MYO7B: variants seen among roughly 807,000 people sequenced by gnomAD.
The protein encoded by MYO7B is myosin VIIB, also known as unconventional myosin-VIIb.
In MYO7B, 212 loss-of-function variants were observed where a neutral mutation model predicts 259.7. The observed-to-expected ratio is 0.82, with a 90% CI of 0.73 to 0.91. The LOEUF is 0.91. Ranked by LOEUF, MYO7B falls within the 40% of genes least tolerant of loss-of-function variation. MYO7B has a pLI of 0.00. For missense variants in MYO7B, 2,732 were observed against 2,813.5 expected (o/e 0.97, Z 0.66); for synonymous variants, 1,197 against 1,166.4 (o/e 1.03, Z -0.54).
chr2:127,547,774 A>G (rs376716483), intron 1 of MYO7B, among the ~76,000 whole-genome samples: 1 of 152,188 alleles, frequency 6.6e-6, no homozygotes, highest in Admixed American at 6.5e-5. Context: ...GAGTGCCTCA[A>G]GTTTTTTCTT....
intron 19 of MYO7B, 125 bp downstream of exon 19, chr2:127,596,681 C>A: frequency 1.4e-6 from 1 of 723,164 alleles, no homozygotes; most frequent in South Asian, 1.6e-5. Context: ...CTGAGATCTT[C>A]CAATGCCTTC....
Position 127,577,224 on chromosome 2 carries a change from A to C in MYO7B, c.849+516A>C, listed in dbSNP as rs1224155936. Among the ~76,000 whole-genome samples the C allele has an allele frequency of 6.6e-6, 1 of 152,064 alleles. No individual in the cohort carries two copies. Among genetic ancestry groups the C allele is most frequent in the Non-Finnish European group, 1.5e-5 (1 of 67,978 alleles). On this transcript the variant is annotated intron_variant, in intron 8 of 47. Transcript: ENST00000409816. This position sits in a 1 kb window ranked among gnomAD's most constrained non-coding sequence, Gnocchi z 5.2. ...CTGCGCCTCCTGGTTTATTGACCAC[A>C]GAGTGGACCCAGAGCATTCTGCCTC...
intron 14 of MYO7B, among the ~76,000 whole-genome samples, chr2:127,587,568 C>CTTTTTTTT (rs61624532): frequency 9.8e-5 from 12 of 122,418 alleles, no homozygotes; most frequent in Non-Finnish European, 1.4e-4. Context: ...TTCTTTCTTT[C>CTTTTTTTT]TTTTTTTTTT....
In MYO7B at chr2:127,613,877, A is replaced by C. The variant is rs1680477834; in HGVS notation, c.3398+1274A>C. 6.6e-6 allele frequency among the ~76,000 whole-genome samples: 1 copy of C among 152,186 alleles called. No homozygotes were observed. The highest frequency in any genetic ancestry group is 1.5e-5 in the Non-Finnish European group (1 of 68,032). ...ACCATGTGTGTCAGGGGGCAACCAG[A>C]GATTTGGGAAGATTTTATGTGCAAA... is the stretch of plus-strand genomic sequence containing the variant. On this transcript the variant is annotated intron_variant, in intron 26 of 47. Transcript: ENST00000409816. This position sits in a 1 kb window ranked among gnomAD's most constrained non-coding sequence, Gnocchi z 4.3.
intron 7 of MYO7B, 135 bp downstream of exon 7, chr2:127,574,197 T>C: frequency 8.7e-7 from 1 of 1,150,114 alleles, no homozygotes; most frequent in Non-Finnish European, 1.2e-6. Context: ...CACTGGATAA[T>C]GAGGGCCCTT....
chr2:127,588,591 CT>C (rs1679396009), intron 15 of MYO7B, 36 bp downstream of exon 15: 2 of 1,610,702 alleles, frequency 1.2e-6, no homozygotes, highest in East Asian at 2.2e-5. Context: ...TCTGTCACCC[CT>C]GATGGCTACA....
Position 127,628,257 on chromosome 2 carries a change from G to T in MYO7B, c.4461-115G>T. On this transcript the variant is annotated intron_variant, in intron 33 of 47. Transcript: ENST00000409816. The surrounding 1 kb of genome is among the most constrained non-coding windows in gnomAD (Gnocchi z 4.8). ...GCCTAGTCCTGGCCCTGGCAGAGCA[G>T]CTCTGTGTCCTCATCTGTGACTCAG... 1 of 1,295,044 alleles carries T rather than the reference G, an allele frequency of 7.7e-7. No individual in the cohort carries two copies. Among genetic ancestry groups the T allele is most frequent in the Non-Finnish European group, 1.1e-6 (1 of 927,634 alleles). 80.2% of individuals were successfully genotyped at this position (1,295,044 alleles called of 1,614,324 possible). A position where few individuals can be genotyped will look rare whatever the true frequency, so the allele number is the denominator to read the frequency against.
intron 36 of MYO7B, 101 bp downstream of exon 36, chr2:127,631,009 C>A: frequency 7.2e-7 from 1 of 1,397,192 alleles, no homozygotes; most frequent in Non-Finnish European, 9.7e-7. Flanking sequence ...CTCATTGCAC[C>A]CACTGAGAGC....
In MYO7B at chr2:127,613,110, A is replaced by G. The variant is rs1680450684; in HGVS notation, c.3398+507A>G. 6.6e-6 allele frequency among the ~76,000 whole-genome samples: 1 copy of G among 152,222 alleles called. No homozygotes were observed. The highest frequency in any genetic ancestry group is 6.5e-5 in the Admixed American group (1 of 15,280). ...TTAGGGGTTCACTTACTTTAGGTTA[A>G]TACTTTTAACAAAATTTGGGAAACT... On this transcript the variant is annotated intron_variant, in intron 26 of 47. Coordinates refer to ENST00000409816, the MANE Select transcript of MYO7B (RefSeq NM_001393586.1). This position sits in a 1 kb window ranked among gnomAD's most constrained non-coding sequence, Gnocchi z 4.3.
rs111767455 is a variant in MYO7B, at chr2:127,618,984, C to T, written c.3399-1356C>T. On this transcript the variant is annotated intron_variant, in intron 26 of 47. Transcript: ENST00000409816. The stretch of plus-strand genomic sequence containing the variant: ...GGTAGCATGTGGGCACTGGTTGGAT[C>T]GTGGGGGCTGGTTGGATTGTGGTGG... Among the ~76,000 whole-genome samples, 965 of 143,276 alleles carry T rather than the reference C, an allele frequency of 6.7e-3. 13 individuals carry two copies. Among genetic ancestry groups the T allele is most frequent in the African/African-American group, 0.023 (874 of 38,550 alleles). The allele number at this position is 143,276 out of a possible 152,430, so 94.0% of individuals were successfully genotyped here. A position where few individuals can be genotyped will look rare whatever the true frequency, so the allele number is the denominator to read the frequency against.
At chr2:127,588,769 T>G (rs1573659273) in intron 15 of MYO7B, among the ~76,000 whole-genome samples, 6 of 46,948 alleles carry the variant, frequency 1.3e-4, no homozygotes, top group South Asian at 8.0e-4. Context: ...GATGGGTGAG[T>G]GGATGGATGG....
chr2:127,584,016 G>C lies in MYO7B; in HGVS notation c.1344-106G>C. ...GAGGTGTGCATCTGTGGGCATATCTGTATGCAGCTGTTTGCAGATGGCTGG... is the reference window on the plus strand; with the variant it reads ...GAGGTGTGCATCTGTGGGCATATCTCTATGCAGCTGTTTGCAGATGGCTGG... On this transcript the variant is annotated intron_variant, in intron 12 of 47. Transcript: ENST00000409816. The surrounding 1 kb of genome is among the most constrained non-coding windows in gnomAD (Gnocchi z 5.8). 2 of 980,292 alleles carry C rather than the reference G, an allele frequency of 2.0e-6. No homozygotes were observed. The allele number at this position is 980,292 out of a possible 1,614,324, so 60.7% of individuals were successfully genotyped here.
intron 1 of MYO7B, among the ~76,000 whole-genome samples, chr2:127,544,642 G>A (rs1027889683): frequency 5.4e-5 from 8 of 147,676 alleles, no homozygotes; most frequent in Admixed American, 4.8e-4. Context: ...GTGCAGTGGC[G>A]CTATCTCGGC....
At chr2:127,634,050 C>A (rs926154830) in intron 40 of MYO7B, 126 bp from the exon 41 acceptor site, 6 of 728,004 alleles carry the variant, frequency 8.2e-6, no homozygotes, top group Non-Finnish European at 1.4e-5. Context: ...GCTTGCCCTG[C>A]TCAGGGCAGA....
At chr2:127,633,542 C>T (rs1172232340) in intron 40 of MYO7B, among the ~76,000 whole-genome samples, 179 bp downstream of exon 40, 1 of 152,194 alleles carries the variant, frequency 6.6e-6, no homozygotes, top group Non-Finnish European at 1.5e-5. Flanking sequence ...CCCTTGGGTG[C>T]TTTGGAAGTC....
At position 127,637,457 on chromosome 2, in the gene MYO7B, C is replaced by A. The variant is rs1340554229; in HGVS notation, c.*40C>A. The A allele has an allele frequency of 3.5e-6, 5 of 1,424,482 alleles. No homozygotes were observed. Among genetic ancestry groups the A allele is most frequent in the Non-Finnish European group, 4.7e-6 (5 of 1,070,230 alleles). 88.2% of individuals were successfully genotyped at this position (1,424,482 alleles called of 1,614,324 possible). ...GTGTCTGCTCAGGCGCCCTTCCCGACCTCTAGCCTGGCGGCACCTTCCCAG... is the reference window on the plus strand; with the variant it reads ...GTGTCTGCTCAGGCGCCCTTCCCGAACTCTAGCCTGGCGGCACCTTCCCAG... On this transcript the variant is annotated 3_prime_UTR_variant, in exon 48 of 48. Transcript: ENST00000409816.
At chr2:127,537,752 C>A (rs1191921956) in intron 1 of MYO7B, among the ~76,000 whole-genome samples, 1 of 152,000 alleles carries the variant, frequency 6.6e-6, no homozygotes, top group Non-Finnish European at 1.5e-5. Flanking sequence ...AAGGATTTGA[C>A]CAAGGCCACT....
At chr2:127,555,553 A>C (rs977812884) in intron 1 of MYO7B, among the ~76,000 whole-genome samples, 2 of 152,170 alleles carry the variant, frequency 1.3e-5, no homozygotes, top group Non-Finnish European at 2.9e-5. Context: ...CTTTCCTCTT[A>C]GCATTGCCTT....
At chr2:127,574,809 A>G (rs1678796708) in intron 7 of MYO7B, among the ~76,000 whole-genome samples, 2 of 152,178 alleles carry the variant, frequency 1.3e-5, no homozygotes, top group Non-Finnish European at 2.9e-5. Flanking sequence ...ATGCTCTGCT[A>G]TTGCCACCTT....
Sources: allele counts gnomAD v4.1 joint callset (sites outside exome capture counted in the v4.1 genomes callset), GRCh38; gene constraint gnomAD v4.1.1; non-coding constraint Gnocchi (gnomAD v3.1); transcripts MANE v1.5; gene names NCBI Gene and HGNC (gene_info 2026-07-23, HGNC 2026-07-21).